Variants in TMOD2 observed in about 807,000 individuals in gnomAD.
The protein encoded by TMOD2 is tropomodulin-2.
In TMOD2, 22 loss-of-function variants were observed where a neutral mutation model predicts 39.9. The observed-to-expected ratio is 0.55, with a 90% confidence interval of 0.39 to 0.79. The LOEUF is 0.79. Ranked by LOEUF, TMOD2 falls within the 30% of genes least tolerant of loss-of-function variation. TMOD2 has a pLI of 0.00. For missense variants in TMOD2, 386 were observed against 413.3 expected, an observed-to-expected ratio of 0.93 and a Z score of 0.57; for synonymous variants, 123 against 146.1, an observed-to-expected ratio of 0.84 and a Z score of 1.14.
At chr15:51,774,713 C>T (rs2055875886) in intron 4 of TMOD2, among the ~76,000 whole-genome samples, 1 of 151,962 alleles carries the variant, frequency 6.6e-6, no homozygotes, top group African/African-American at 2.4e-5. Context: ...GATGGCGTCA[C>T]CTGGTAAAGA....
At chr15:51,776,435 T>C (rs1294927830) in intron 4 of TMOD2, among the ~76,000 whole-genome samples, 2 of 152,226 alleles carry the variant, frequency 1.3e-5, no homozygotes, top group African/African-American at 4.8e-5. Context: ...TTTTCTTTGC[T>C]GATGTTGCTT....
chr15:51,808,121 T>C (rs893642351), intron 9 of TMOD2, among the ~76,000 whole-genome samples: 25 of 152,286 alleles, frequency 1.6e-4, no homozygotes, highest in Non-Finnish European at 7.4e-5. Context: ...TAAACGGCCA[T>C]GAAAATAGTC....
At chr15:51,780,562 T>C (rs2055922735) in intron 5 of TMOD2, among the ~76,000 whole-genome samples, 2 of 152,184 alleles carry the variant, frequency 1.3e-5, no homozygotes, top group African/African-American at 2.4e-5. Context: ...TTTTTATCCC[T>C]TTCTCTCCCC....
chr15:51,800,246 T>C (rs544129590), intron 8 of TMOD2, among the ~76,000 whole-genome samples: 2 of 152,214 alleles, frequency 1.3e-5, no homozygotes, highest in South Asian at 2.1e-4. Flanking sequence ...CTTTTGACAA[T>C]GCATATAAAG....
chr15:51,798,386 A>G, intron 8 of TMOD2, 46 bp downstream of exon 8: 1 of 1,599,458 alleles, frequency 6.3e-7, no homozygotes, highest in Non-Finnish European at 8.5e-7. Flanking sequence ...CAGGGTGTGC[A>G]GTGAGCGGGG....
chr15:51,755,306 A>G (rs1316636532), intron 1 of TMOD2, among the ~76,000 whole-genome samples: 2 of 152,204 alleles, frequency 1.3e-5, no homozygotes, highest in East Asian at 3.8e-4. Context: ...TTTCAGCACA[A>G]CCTTCCTTAA....
At chr15:51,808,365 G>T in intron 9 of TMOD2, 55 bp from the exon 10 acceptor site, 1 of 1,420,680 alleles carries the variant, frequency 7.0e-7, no homozygotes, top group Non-Finnish European at 9.9e-7. Flanking sequence ...TGTTTATCTG[G>T]AATTTAAGGA....
At chr15:51,757,139 C>A (rs1397022824) in intron 1 of TMOD2, among the ~76,000 whole-genome samples, 1 of 152,200 alleles carries the variant, frequency 6.6e-6, no homozygotes, top group Non-Finnish European at 1.5e-5. Flanking sequence ...TGGTGGCTCA[C>A]GCCTGTAATC....
intron 8 of TMOD2, among the ~76,000 whole-genome samples, chr15:51,804,580 GTTTTT>G (rs755491024): frequency 0.012 from 1,701 of 136,562 alleles, 28 homozygotes; most frequent in African/African-American, 0.021. Flanking sequence ...GTTTTGTTTT[GTTTTT>G]TTTTTTGAGA....
intron 3 of TMOD2, 91 bp from the exon 4 acceptor site, chr15:51,773,621 C>G (rs1048847123): frequency 7.4e-7 from 1 of 1,345,054 alleles, no homozygotes; most frequent in African/African-American, 1.5e-5. Flanking sequence ...ATATGGGTCT[C>G]AATGGCCAGA....
At chr15:51,771,630 A>G (rs1484807455) in intron 3 of TMOD2, among the ~76,000 whole-genome samples, 3 of 152,166 alleles carry the variant, frequency 2.0e-5, no homozygotes, top group Non-Finnish European at 4.4e-5. Flanking sequence ...GCACCACTGC[A>G]CTCCAGCCTG....
At chr15:51,799,068 CT>C (rs1183965289) in intron 8 of TMOD2, among the ~76,000 whole-genome samples, 1 of 152,204 alleles carries the variant, frequency 6.6e-6, no homozygotes, top group Non-Finnish European at 1.5e-5. Context: ...CCGAGTTGCT[CT>C]GCTGGCTTCA....
chr15:51,807,845 G>A (rs1374238717), intron 9 of TMOD2, among the ~76,000 whole-genome samples: 1 of 152,182 alleles, frequency 6.6e-6, no homozygotes, highest in East Asian at 1.9e-4. Flanking sequence ...AGGGTTGCAG[G>A]AACTGGGAAA....
rs180791463 is a variant in TMOD2 at position 51,780,856 on chromosome 15, C to A, written c.494-188C>A. The stretch of plus-strand genomic sequence containing the variant: ...AATTCTCATTGCAGTTGAGAAACAC[C>A]AGCCTTCCAAGCTGTGACTCATAGC... On this transcript the variant is annotated intron_variant, in intron 5 of 9. Coordinates refer to ENST00000249700, the MANE Select transcript of TMOD2 (RefSeq NM_014548.4). Among the ~76,000 whole-genome samples, 1,296 of 152,262 alleles carry A rather than the reference C, an allele frequency of 8.5e-3. 25 individuals carry two copies. Among genetic ancestry groups the A allele is most frequent in the Non-Finnish European group, 8.0e-3 (547 of 68,014 alleles).
intron 3 of TMOD2, among the ~76,000 whole-genome samples, chr15:51,770,876 A>T (rs1194939475): frequency 6.6e-6 from 1 of 152,208 alleles, no homozygotes; most frequent in Non-Finnish European, 1.5e-5. Flanking sequence ...TTGCTGTGAA[A>T]ATATGGATCT....
At chr15:51,766,604 T>G in intron 2 of TMOD2, 37 bp downstream of exon 2, 1 of 1,603,162 alleles carries the variant, frequency 6.2e-7, no homozygotes, top group Non-Finnish European at 8.5e-7. Context: ...TGGTTAATGA[T>G]AGTATGGATA....
intron 7 of TMOD2, among the ~76,000 whole-genome samples, chr15:51,790,091 A>G (rs942648817): frequency 3.9e-5 from 6 of 152,208 alleles, no homozygotes; most frequent in African/African-American, 1.4e-4. Flanking sequence ...TGAAAAGATC[A>G]ACAAAATAGA....
intron 1 of TMOD2, among the ~76,000 whole-genome samples, chr15:51,765,700 A>T (rs1207098111): frequency 6.6e-6 from 1 of 152,240 alleles, no homozygotes; most frequent in South Asian, 2.1e-4. Context: ...GTCTGAGGGT[A>T]TAAAGAATGA....
chr15:51,768,626 G>A (rs1002903814), intron 3 of TMOD2, among the ~76,000 whole-genome samples: 6 of 146,016 alleles, frequency 4.1e-5, no homozygotes, highest in South Asian at 4.5e-4. Context: ...GGAACTGTCC[G>A]GGAAATGGGA....
Sources: gnomAD v4.1 joint callset for allele counts (sites outside exome capture counted in the v4.1 genomes callset) on GRCh38, gnomAD v4.1.1 for gene constraint, MANE v1.5 for transcripts, NCBI Gene and HGNC (gene_info 2026-07-23, HGNC 2026-07-21) for gene names.